CTNND2: variants seen among roughly 807,000 people sequenced by gnomAD.
CTNND2 encodes the protein catenin delta-2.
Under a neutral mutation model 144.4 loss-of-function variants are expected in CTNND2, and 22 were observed. The ratio of observed to expected loss-of-function variants is 0.15; its 90% CI spans 0.11 to 0.22. The LOEUF (loss-of-function observed/expected upper bound fraction) is 0.22. Among genes scored for constraint, CTNND2 ranks in the 10% least tolerant of loss-of-function variants. CTNND2 has a pLI of 1.00. For missense variants in CTNND2, 1,353 were observed against 1,618.8 expected (o/e 0.84, Z 2.82); for synonymous variants, 751 against 695.6 (o/e 1.08, Z -1.25).
At chr5:11,009,480 GATATC>G (rs1234489824) in intron 18 of CTNND2, among the ~76,000 whole-genome samples, 1 of 152,162 alleles carries the variant, frequency 6.6e-6, no homozygotes, top group African/African-American at 2.4e-5. Context: ...TCAAAGATGT[GATATC>G]ACCCAATCTA....
At chr5:11,774,639 T>C (rs1453985862) in intron 1 of CTNND2, among the ~76,000 whole-genome samples, 1 of 152,108 alleles carries the variant, frequency 6.6e-6, no homozygotes, top group African/African-American at 2.4e-5. Context: ...ATAGTCACAT[T>C]TTCGCTTGCA....
intron 11 of CTNND2, among the ~76,000 whole-genome samples, chr5:11,182,283 T>C (rs962547108): frequency 4.0e-5 from 6 of 151,818 alleles, no homozygotes; most frequent in African/African-American, 1.5e-4. Context: ...CCCGGGCATG[T>C]ATGTTCATGC....
chr5:11,602,646 T>C (rs1246597519), intron 2 of CTNND2, among the ~76,000 whole-genome samples: 2 of 147,016 alleles, frequency 1.4e-5, no homozygotes, highest in Non-Finnish European at 3.0e-5. Context: ...TAGATATATG[T>C]AAAATATATA....
chr5:11,872,189 C>T (rs1201663350), intron 1 of CTNND2, among the ~76,000 whole-genome samples: 2 of 152,096 alleles, frequency 1.3e-5, no homozygotes, highest in East Asian at 1.9e-4. Context: ...CGGCTTCATC[C>T]GTGTCCCTGC....
intron 3 of CTNND2, among the ~76,000 whole-genome samples, chr5:11,463,767 G>A (rs1386517210): frequency 4.0e-5 from 6 of 150,782 alleles, no homozygotes; most frequent in African/African-American, 1.5e-4. Flanking sequence ...TGCTTTTAAT[G>A]ACTTAAAAAA....
chr5:11,474,302 T>G, intron 3 of CTNND2, among the ~76,000 whole-genome samples: 1 of 152,218 alleles, frequency 6.6e-6, no homozygotes, highest in East Asian at 1.9e-4. Flanking sequence ...TGACACCTTC[T>G]CCCAACTCTC....
At chr5:11,524,827 T>G (rs1773077599) in intron 3 of CTNND2, among the ~76,000 whole-genome samples, 2 of 152,134 alleles carry the variant, frequency 1.3e-5, no homozygotes, top group South Asian at 4.1e-4. Flanking sequence ...TTTGCAAAAC[T>G]TATTTTGTTT....
intron 1 of CTNND2, among the ~76,000 whole-genome samples, chr5:11,876,512 A>T (rs919936753): frequency 2.0e-5 from 3 of 152,158 alleles, no homozygotes; most frequent in Non-Finnish European, 4.4e-5. Context: ...ATTCGCAACA[A>T]ATTGACTGTG....
intron 1 of CTNND2, among the ~76,000 whole-genome samples, chr5:11,834,860 G>T (rs1794086140): frequency 6.6e-6 from 1 of 152,218 alleles, no homozygotes; most frequent in African/African-American, 2.4e-5. Flanking sequence ...AGTGGATGGA[G>T]CCAGGTACAG....
In CTNND2 at chr5:11,384,623, A is replaced by G. The variant is rs756990021; in HGVS notation, c.1177+42T>C. Reference sequence around the variant, plus strand: ...GGGCTGCTGCTTCCGCGTCCCCGCCACGCGCCCAGGTGAGTCGCGCCAGGT... The same window carrying G: ...GGGCTGCTGCTTCCGCGTCCCCGCCGCGCGCCCAGGTGAGTCGCGCCAGGT... On this transcript the variant is annotated intron_variant, in intron 7 of 21. Transcript: ENST00000304623. This position sits in a 1 kb window ranked among gnomAD's most constrained non-coding sequence, Gnocchi z 5.2. The G allele has an allele frequency of 2.6e-6, 4 of 1,545,478 alleles. No homozygotes were observed. Among genetic ancestry groups the G allele is most frequent in the Non-Finnish European group, 3.5e-6 (4 of 1,150,442 alleles).
At chr5:11,545,107 C>A (rs1485613593) in intron 3 of CTNND2, among the ~76,000 whole-genome samples, 57 of 116,966 alleles carry the variant, frequency 4.9e-4, no homozygotes, top group Non-Finnish European at 9.1e-4. Flanking sequence ...GGCAACAGAG[C>A]GAGACTCCGT....
chr5:11,850,725 A>T (rs1346911412), intron 1 of CTNND2, among the ~76,000 whole-genome samples: 1 of 152,218 alleles, frequency 6.6e-6, no homozygotes, highest in Non-Finnish European at 1.5e-5. Context: ...CATTAATGAA[A>T]AACAAAAGTT....
At chr5:11,339,808 T>C (rs1473644987) in intron 9 of CTNND2, among the ~76,000 whole-genome samples, 1 of 152,216 alleles carries the variant, frequency 6.6e-6, no homozygotes, top group African/African-American at 2.4e-5. Context: ...GTTGGCACCT[T>C]GATCTTGGAC....
intron 3 of CTNND2, among the ~76,000 whole-genome samples, chr5:11,425,332 A>G (rs1762689624): frequency 6.6e-6 from 1 of 152,190 alleles, no homozygotes; most frequent in Admixed American, 6.5e-5. Flanking sequence ...TAATGCCTGG[A>G]AAGGGGTCTC....
chr5:11,477,389 T>C (rs1422063413), intron 3 of CTNND2, among the ~76,000 whole-genome samples: 1 of 151,604 alleles, frequency 6.6e-6, no homozygotes, highest in Non-Finnish European at 1.5e-5. Context: ...CTATTTTTTT[T>C]TTTTGGTGGT....
At chr5:11,504,689 G>A (rs986281505) in intron 3 of CTNND2, among the ~76,000 whole-genome samples, 4 of 152,166 alleles carry the variant, frequency 2.6e-5, no homozygotes, top group African/African-American at 9.7e-5. Flanking sequence ...GCTGTGGGGA[G>A]CTGATGCTTG....
chr5:11,477,703 C>T (rs1010634882), intron 3 of CTNND2, among the ~76,000 whole-genome samples: 12 of 152,144 alleles, frequency 7.9e-5, no homozygotes, highest in African/African-American at 1.4e-4. Context: ...ACAACACACT[C>T]GGCCCACCTT....
At chr5:10,990,957 T>C (rs1561132697) in intron 19 of CTNND2, among the ~76,000 whole-genome samples, 1 of 152,228 alleles carries the variant, frequency 6.6e-6, no homozygotes, top group Non-Finnish European at 1.5e-5. Context: ...ATCACTGCTT[T>C]CCAAAAGACA....
intron 3 of CTNND2, among the ~76,000 whole-genome samples, chr5:11,521,727 A>G (rs748460328): frequency 1.5e-4 from 23 of 152,220 alleles, no homozygotes; most frequent in African/African-American, 5.5e-4. Context: ...GGCAAAGACC[A>G]TGTTGCATCC....
Sources: gnomAD v4.1 joint callset for allele counts (sites outside exome capture counted in the v4.1 genomes callset) on GRCh38, gnomAD v4.1.1 for gene constraint, Gnocchi (gnomAD v3.1) non-coding constraint, MANE v1.5 for transcripts, NCBI Gene and HGNC (gene_info 2026-07-23, HGNC 2026-07-21) for gene names.